The following KSR2 variants were observed in gnomAD, a reference collection of about 807,000 sequenced individuals.
KSR2 encodes the protein kinase suppressor of ras 2.
In KSR2, 25 loss-of-function variants were observed where a neutral mutation model predicts 107.8. The observed-to-expected ratio is 0.23, with a 90% CI of 0.17 to 0.32. KSR2 has a LOEUF of 0.32. KSR2 is among the 10% of genes least tolerant of loss of function. The pLI, the probability that KSR2 is intolerant of heterozygous loss-of-function variation, is 1.00. For missense variants in KSR2, 887 were observed against 1,268.9 expected, an observed-to-expected ratio of 0.70 and a Z score of 4.57; for synonymous variants, 480 against 507.0, an observed-to-expected ratio of 0.95 and a Z score of 0.71.
chr12:117,527,211 G>A (rs1036995577), intron 12 of KSR2, 92 bp from the exon 13 acceptor site: 16 of 890,198 alleles, frequency 1.8e-5, no homozygotes, highest in Non-Finnish European at 2.9e-5. Flanking sequence ...CCAGATCGGA[G>A]GTCTTTACCA....
chr12:117,559,813 A>G (rs1877985119), intron 7 of KSR2, among the ~76,000 whole-genome samples: 2 of 152,194 alleles, frequency 1.3e-5, no homozygotes, highest in African/African-American at 4.8e-5. Context: ...GTTTTATGTC[A>G]ATAGGATAGA....
chr12:117,559,072 A>ATGGATGGATGG lies in KSR2; in HGVS notation c.1326-510_1326-500dup, dbSNP rs1238956000. Among the ~76,000 whole-genome samples, 18 of 151,596 alleles carry ATGGATGGATGG rather than the reference A, an allele frequency of 1.2e-4. No homozygotes were observed. In the South Asian group the frequency reaches 3.6e-3, roughly 30 times the overall value. On this transcript the variant is annotated intron_variant, in intron 7 of 19. Coordinates refer to ENST00000339824, the MANE Select transcript of KSR2 (RefSeq NM_173598.6). ...GATGGATGGATGGATGGATGGATGG[A>ATGGATGGATGG]TGGATGGATGGTGGATGGGTAGGTA...
At chr12:117,825,994 G>A (rs1419031176) in intron 3 of KSR2, among the ~76,000 whole-genome samples, 1 of 149,498 alleles carries the variant, frequency 6.7e-6, no homozygotes, top group Admixed American at 6.7e-5. Context: ...CAGGTGGGTG[G>A]ATGGGTGGGT....
At chr12:117,756,674 A>C (rs1303285206) in intron 4 of KSR2, among the ~76,000 whole-genome samples, 1 of 152,208 alleles carries the variant, frequency 6.6e-6, no homozygotes, top group Non-Finnish European at 1.5e-5. Flanking sequence ...TTATCTTTCA[A>C]GTCTTATTAT....
In KSR2 at chr12:117,550,163, T is replaced by C. The variant is rs553972022; in HGVS notation, c.1518+5006A>G. 3.3e-5 allele frequency among the ~76,000 whole-genome samples: 5 copies of C among 152,314 alleles called. No individual in the cohort carries two copies. The South Asian group carries it at 1.0e-3, about 32-fold the overall frequency. On this transcript the variant is annotated intron_variant, in intron 9 of 19. Transcript: ENST00000339824. ...AACTACTTCATTCTGTAGGAGGGGA[T>C]GCTGAGACTGTAAGGTGAGAGGAAT...
chr12:117,679,150 T>C (rs1885262744), intron 4 of KSR2, among the ~76,000 whole-genome samples: 2 of 152,320 alleles, frequency 1.3e-5, no homozygotes, highest in Admixed American at 1.3e-4. Context: ...TCTCTCCATG[T>C]ATCCTTAAAG....
intron 1 of KSR2, among the ~76,000 whole-genome samples, chr12:117,931,791 T>C (rs1207352369): frequency 6.6e-6 from 1 of 152,190 alleles, no homozygotes. Flanking sequence ...AATTTCTATA[T>C]ATTTACTATA....
intron 5 of KSR2, among the ~76,000 whole-genome samples, chr12:117,611,891 C>T (rs1881624037): frequency 6.6e-6 from 1 of 152,146 alleles, no homozygotes; most frequent in African/African-American, 2.4e-5. Flanking sequence ...TATGATTCCA[C>T]TCAAATGAGG....
chr12:117,624,983 A>G (rs1882393436), intron 5 of KSR2, among the ~76,000 whole-genome samples: 1 of 152,164 alleles, frequency 6.6e-6, no homozygotes, highest in African/African-American at 2.4e-5. Flanking sequence ...ATGGGAGTTC[A>G]TTCATGATTT....
intron 4 of KSR2, among the ~76,000 whole-genome samples, chr12:117,705,185 A>T (rs1886474946): frequency 6.6e-6 from 1 of 152,128 alleles, no homozygotes; most frequent in South Asian, 2.1e-4. Context: ...AGCTGATAAG[A>T]TGCCCACAGC....
chr12:117,814,538 G>A (rs931277527), intron 3 of KSR2, among the ~76,000 whole-genome samples: 40 of 152,034 alleles, frequency 2.6e-4, no homozygotes, highest in Admixed American at 6.6e-4. Flanking sequence ...GACAAAGGGC[G>A]GAGATTAAAT....
At chr12:117,611,385 A>T (rs1268590676) in intron 5 of KSR2, among the ~76,000 whole-genome samples, 1 of 145,964 alleles carries the variant, frequency 6.9e-6, no homozygotes, top group African/African-American at 2.5e-5. Context: ...AGTCAAATCA[A>T]GGTGTGCATC....
At chr12:117,793,225 A>C in intron 3 of KSR2, among the ~76,000 whole-genome samples, 1 of 143,028 alleles carries the variant, frequency 7.0e-6, no homozygotes, top group East Asian at 2.1e-4. Flanking sequence ...CCCTCACACC[A>C]ACATGCACAC....
intron 3 of KSR2, among the ~76,000 whole-genome samples, chr12:117,841,529 A>G (rs2723274): frequency 0.84 from 127,335 of 152,238 alleles, 53,924 homozygotes; most frequent in African/African-American, 0.96. Context: ...CAAATGTGCA[A>G]TATTATTTGA....
At chr12:117,729,620 G>A (rs563291165) in intron 4 of KSR2, among the ~76,000 whole-genome samples, 1 of 152,212 alleles carries the variant, frequency 6.6e-6, no homozygotes, top group South Asian at 2.1e-4. Context: ...GAGAGCACTA[G>A]ACTGACAGTC....
chr12:117,889,002 A>G (rs1894260703), intron 1 of KSR2, among the ~76,000 whole-genome samples: 1 of 152,200 alleles, frequency 6.6e-6, no homozygotes, highest in South Asian at 2.1e-4. Flanking sequence ...ATTTACCACA[A>G]TATTTAAAAA....
intron 4 of KSR2, among the ~76,000 whole-genome samples, chr12:117,670,877 A>G (rs1441634590): frequency 1.3e-5 from 2 of 151,496 alleles, no homozygotes; most frequent in African/African-American, 4.9e-5. Context: ...CACCTGGTGA[A>G]CCCCTACACA....
At chr12:117,707,403 C>T (rs1243517385) in intron 4 of KSR2, among the ~76,000 whole-genome samples, 1 of 152,122 alleles carries the variant, frequency 6.6e-6, no homozygotes, top group East Asian at 1.9e-4. Flanking sequence ...GTGTGGTGTG[C>T]AAACTATATC....
chr12:117,494,896 A>G (rs1298560863), intron 14 of KSR2, among the ~76,000 whole-genome samples: 1 of 152,228 alleles, frequency 6.6e-6, no homozygotes, highest in African/African-American at 2.4e-5. Flanking sequence ...CAAGCTGGGG[A>G]AACCAGCCAG....
Sources: allele counts gnomAD v4.1 joint callset (sites outside exome capture counted in the v4.1 genomes callset), GRCh38; gene constraint gnomAD v4.1.1; transcripts MANE v1.5; gene names NCBI Gene and HGNC (gene_info 2026-07-23, HGNC 2026-07-21).